EYS: variants seen among roughly 807,000 people sequenced by gnomAD.
The protein encoded by EYS is EGF-like photoreceptor maintenance factor.
A neutral mutation model predicts 282.1 loss-of-function variants in EYS; 250 were observed. The ratio of observed to expected loss-of-function variants is 0.89; its 90% CI spans 0.80 to 0.98. The LOEUF (loss-of-function observed/expected upper bound fraction) is 0.98, where lower values mean the gene tolerates loss of function less well. EYS is among the 50% of genes least tolerant of loss of function. The probability of loss-of-function intolerance (pLI) is 0.00; values close to 1 mark genes in which losing one functional copy is unlikely to be tolerated. For synonymous variants in EYS, 1,355 were observed against 1,282.9 expected, an observed-to-expected ratio of 1.06 and a Z score of -1.20; for missense variants, 4,016 against 3,709.0, an observed-to-expected ratio of 1.08 and a Z score of -2.15.
intron 22 of EYS, among the ~76,000 whole-genome samples, chr6:64,784,185 ATCTT>A (rs1336762969): frequency 6.6e-6 from 1 of 151,914 alleles, no homozygotes; most frequent in Non-Finnish European, 1.5e-5. Flanking sequence ...TTATTGAATT[ATCTT>A]TCTTTTCTTT....
At chr6:63,954,605 C>A (rs546349011) in intron 35 of EYS, among the ~76,000 whole-genome samples, 19 of 152,280 alleles carry the variant, frequency 1.2e-4, no homozygotes, top group African/African-American at 4.6e-4. Flanking sequence ...GCATCAGATG[C>A]CATCATTCAG....
Position 64,813,360 on chromosome 6 carries a change from G to A in EYS, c.3443+18C>T. 2 of 1,514,206 alleles carry A rather than the reference G, an allele frequency of 1.3e-6. No individual in the cohort carries two copies. The highest frequency in any genetic ancestry group is 2.5e-5 in the East Asian group (1 of 39,904). 93.8% of individuals were successfully genotyped at this position (1,514,206 alleles called of 1,614,324 possible). A position where few individuals can be genotyped will look rare whatever the true frequency, so the allele number is the denominator to read the frequency against. Reference sequence around the variant, plus strand: ...CCTAAATATATATTTACTTACTTGTGGGTAAATAAATACTGACCTGCAGTC... The same window carrying A: ...CCTAAATATATATTTACTTACTTGTAGGTAAATAAATACTGACCTGCAGTC... On this transcript the variant is annotated intron_variant, in intron 22 of 42. Coordinates refer to ENST00000503581, the MANE Select transcript of EYS (RefSeq NM_001142800.2).
At chr6:65,524,640 A>AT (rs1767490568) in intron 2 of EYS, among the ~76,000 whole-genome samples, 1 of 152,198 alleles carries the variant, frequency 6.6e-6, no homozygotes, top group South Asian at 2.1e-4. Flanking sequence ...CACTGGTGAA[A>AT]TCTATGAGTG....
chr6:65,356,437 A>G (rs1764490051), intron 8 of EYS, among the ~76,000 whole-genome samples: 1 of 152,012 alleles, frequency 6.6e-6, no homozygotes. Flanking sequence ...GCTGATAAGG[A>G]GCAATGAGAG....
At chr6:65,169,711 C>A (rs1411025828) in intron 12 of EYS, among the ~76,000 whole-genome samples, 1 of 151,394 alleles carries the variant, frequency 6.6e-6, no homozygotes, top group Non-Finnish European at 1.5e-5. Context: ...TTCTACCTAA[C>A]TACAGTATCC....
At chr6:63,745,413 C>G (rs1350577010) in intron 41 of EYS, among the ~76,000 whole-genome samples, 2 of 152,180 alleles carry the variant, frequency 1.3e-5, no homozygotes, top group Non-Finnish European at 2.9e-5. Flanking sequence ...AAGAAACTGC[C>G]TCTAGAGGCT....
At chr6:64,807,910 A>G (rs1764480005) in intron 22 of EYS, among the ~76,000 whole-genome samples, 1 of 152,046 alleles carries the variant, frequency 6.6e-6, no homozygotes, top group Non-Finnish European at 1.5e-5. Context: ...ACTATATGTC[A>G]GTGGTTCATT....
chr6:65,017,451 T>G (rs2150136492), intron 13 of EYS, among the ~76,000 whole-genome samples: 1 of 152,346 alleles, frequency 6.6e-6, no homozygotes, highest in Non-Finnish European at 1.5e-5. Flanking sequence ...ATGTATGTTC[T>G]TTCTTGACCT....
In EYS at chr6:64,100,632, C is replaced by A. The variant is rs114957036; in HGVS notation, c.6425-18630G>T. The stretch of plus-strand genomic sequence containing the variant: ...ACCCAATTTGTAGAATTTACATTTG[C>A]AAAAGTAAACTTACATTTGCTTCTT... On this transcript the variant is annotated intron_variant, in intron 31 of 42. Coordinates refer to ENST00000503581, the MANE Select transcript of EYS (RefSeq NM_001142800.2). Among the ~76,000 whole-genome samples, 361 of 152,162 alleles carry A rather than the reference C, an allele frequency of 2.4e-3. 1 individual carries two copies. Among genetic ancestry groups the A allele is most frequent in the African/African-American group, 8.2e-3 (342 of 41,512 alleles).
chr6:64,897,315 T>C (rs1213976328), intron 18 of EYS, among the ~76,000 whole-genome samples: 2 of 151,874 alleles, frequency 1.3e-5, no homozygotes, highest in African/African-American at 2.4e-5. Flanking sequence ...GCAAACAGGG[T>C]CCGCAGTGGA....
chr6:64,180,260 A>G lies in EYS; in HGVS notation c.6424+50332T>C, dbSNP rs1055916347. 2.2e-4 allele frequency among the ~76,000 whole-genome samples: 34 copies of G among 152,254 alleles called. 2 individuals carry two copies. The highest frequency in any genetic ancestry group is 2.2e-3 in the Admixed American group (33 of 15,268). On this transcript the variant is annotated intron_variant, in intron 31 of 42. Coordinates refer to ENST00000503581, the MANE Select transcript of EYS (RefSeq NM_001142800.2). ...ATCCCAGAGTTTAAAATAAAGTTTT[A>G]TACTTTGCAGGCAACTTGTCAAGAA...
chr6:65,564,569 A>G (rs1323159064), intron 2 of EYS, among the ~76,000 whole-genome samples: 1 of 152,162 alleles, frequency 6.6e-6, no homozygotes, highest in African/African-American at 2.4e-5. Context: ...CTGGCTAGCC[A>G]TATGCAGAAA....
chr6:65,011,654 C>G (rs935328030), intron 13 of EYS, among the ~76,000 whole-genome samples: 2 of 152,212 alleles, frequency 1.3e-5, no homozygotes, highest in East Asian at 3.9e-4. Context: ...AGAGACAGAA[C>G]TAGCTGGATT....
intron 29 of EYS, among the ~76,000 whole-genome samples, chr6:64,383,542 T>A (rs192709084): frequency 1.3e-5 from 2 of 152,164 alleles, no homozygotes; most frequent in Non-Finnish European, 2.9e-5. Context: ...ACCACATAAC[T>A]TCTAGAAGGA....
chr6:65,020,794 C>T (rs1331492587), intron 13 of EYS, among the ~76,000 whole-genome samples: 1 of 152,232 alleles, frequency 6.6e-6, no homozygotes. Flanking sequence ...CATACATCCT[C>T]TGAAATCTAG....
intron 26 of EYS, among the ~76,000 whole-genome samples, chr6:64,444,387 C>T (rs1244122893): frequency 6.6e-6 from 1 of 152,048 alleles, no homozygotes; most frequent in Non-Finnish European, 1.5e-5. Flanking sequence ...TTTTTCACAA[C>T]ATTTCGAAGT....
chr6:65,157,362 C>G (rs1217516096), intron 12 of EYS, among the ~76,000 whole-genome samples: 2 of 150,760 alleles, frequency 1.3e-5, no homozygotes, highest in Non-Finnish European at 3.0e-5. Context: ...AATCTCTAAT[C>G]AAATCTATAG....
At chr6:65,311,764 G>T (rs1769167614) in intron 11 of EYS, among the ~76,000 whole-genome samples, 1 of 152,130 alleles carries the variant, frequency 6.6e-6, no homozygotes, top group Admixed American at 6.6e-5. Flanking sequence ...TTTCTGTTTA[G>T]TAGGCTCTCC....
At chr6:63,853,390 C>T (rs943966157) in intron 36 of EYS, among the ~76,000 whole-genome samples, 1 of 152,004 alleles carries the variant, frequency 6.6e-6, no homozygotes, top group African/African-American at 2.4e-5. Context: ...ACAATTGCTA[C>T]AAAGAGAATG....
Sources: allele counts gnomAD v4.1 joint callset (sites outside exome capture counted in the v4.1 genomes callset), GRCh38; gene constraint gnomAD v4.1.1; transcripts MANE v1.5; gene names NCBI Gene and HGNC (gene_info 2026-07-23, HGNC 2026-07-21).